GSTO2: variants seen among roughly 807,000 people sequenced by gnomAD.
GSTO2 encodes glutathione S-transferase omega 2.
Under a neutral mutation model 28.4 loss-of-function variants are expected in GSTO2, and 23 were observed. The observed-to-expected ratio is 0.81, with a 90% CI of 0.58 to 1.15. The LOEUF (loss-of-function observed/expected upper bound fraction) is 1.15, where lower values mean the gene tolerates loss of function less well. GSTO2 is among the 50% of genes most tolerant of loss of function. The probability of loss-of-function intolerance (pLI) is 0.00; values close to 1 mark genes in which losing one functional copy is unlikely to be tolerated. For missense variants in GSTO2, 298 were observed against 297.8 expected (o/e 1.00, Z 0.00); for synonymous variants, 109 against 111.0 (o/e 0.98, Z 0.11).
At position 104,278,048 on chromosome 10, in the gene GSTO2, A is replaced by G. The variant is rs2011752813; in HGVS notation, c.298A>G (p.Arg100Gly). 6.2e-7 allele frequency: 1 copy of G among 1,614,230 alleles called. No individual in the cohort carries two copies. The highest frequency in any genetic ancestry group is 1.6e-4 in the Middle Eastern group (1 of 6,062). ...CEYLDDAYPG[R>G]KLFPYDPYER... ...GTACCTGGATGATGCTTATCCAGGA[A>G]GGAAGCTGTTTCCATATGACCCTTA... is the stretch of plus-strand genomic sequence containing the variant. The change falls in exon 4 of 7, where the codon AGG becomes GGG. Residue 100 changes from arginine to glycine, a missense_variant. By Grantham distance (125) the Arg-to-Gly change is moderately radical. Transcript: ENST00000338595.
chr10:104,288,724 G>A (rs1436103969), intron 5 of GSTO2, among the ~76,000 whole-genome samples: 1 of 152,116 alleles, frequency 6.6e-6, no homozygotes, highest in African/African-American at 2.4e-5. Context: ...TGCCTATCTG[G>A]CCATCAGAGT....
At chr10:104,278,484 T>C (rs1019508774) in intron 4 of GSTO2, among the ~76,000 whole-genome samples, 2 of 152,242 alleles carry the variant, frequency 1.3e-5, no homozygotes, top group African/African-American at 2.4e-5. Flanking sequence ...TGATGCTTTT[T>C]TATTATTTTT....
intron 3 of GSTO2, among the ~76,000 whole-genome samples, chr10:104,277,294 C>CT (rs552621333): frequency 0.052 from 7,479 of 144,276 alleles, 469 homozygotes; most frequent in African/African-American, 0.15. Flanking sequence ...GGCTCTACTA[C>CT]TTTTTTTTTT....
intron 5 of GSTO2, chr10:104,296,186 T>C (rs983779915): frequency 3.9e-5 from 6 of 152,192 alleles, no homozygotes; most frequent in African/African-American, 1.4e-4. Context: ...TTCTTTACAG[T>C]CCATCTGATT....
In GSTO2 at chr10:104,304,030, C is replaced by G. The variant is rs952008940; in HGVS notation, c.*4746C>G. The stretch of plus-strand genomic sequence containing the variant: ...TTGATGGAGGGGAGACTGGGTTACT[C>G]TGAGTTGAGAAGCAAGCTTGACTGC... On this transcript the variant is annotated 3_prime_UTR_variant, in exon 7 of 7. Coordinates refer to ENST00000338595, the MANE Select transcript of GSTO2 (RefSeq NM_183239.2). The G allele has an allele frequency of 3.3e-5, 5 of 152,188 alleles. No homozygotes were observed. Among genetic ancestry groups the G allele is most frequent in the African/African-American group, 1.2e-4 (5 of 41,440 alleles). 9.4% of individuals were successfully genotyped at this position (152,188 alleles called of 1,614,324 possible).
chr10:104,282,946 T>G (rs2012166198), intron 5 of GSTO2, among the ~76,000 whole-genome samples: 1 of 152,180 alleles, frequency 6.6e-6, no homozygotes. Context: ...AGGAATGTCA[T>G]TAGTGGGGTG....
chr10:104,300,557 C>G lies in GSTO2; in HGVS notation c.*1273C>G, dbSNP rs941238814. 6.6e-6 allele frequency: 1 copy of G among 152,330 alleles called. No individual in the cohort carries two copies. Among genetic ancestry groups the G allele is most frequent in the Non-Finnish European group, 1.5e-5 (1 of 68,118 alleles). 9.4% of individuals were successfully genotyped at this position (152,330 alleles called of 1,614,324 possible). A position where few individuals can be genotyped will look rare whatever the true frequency, so the allele number is the denominator to read the frequency against. The stretch of plus-strand genomic sequence containing the variant: ...GCCAGCTTCGCCAGGCAGTACCACC[C>G]CACTGAAGACAGCAAAGAGCTGAGG... On this transcript the variant is annotated 3_prime_UTR_variant, in exon 7 of 7. Coordinates refer to ENST00000338595, the MANE Select transcript of GSTO2 (RefSeq NM_183239.2).
At chr10:104,275,089 T>A in intron 2 of GSTO2, 137 bp from the exon 3 acceptor site, 1 of 1,513,964 alleles carries the variant, frequency 6.6e-7, no homozygotes, top group Non-Finnish European at 8.8e-7. Flanking sequence ...AAAAGCCACA[T>A]GCAGCACTGC....
intron 5 of GSTO2, among the ~76,000 whole-genome samples, chr10:104,293,107 A>G (rs1396029636): frequency 1.3e-5 from 2 of 152,216 alleles, no homozygotes; most frequent in African/African-American, 2.4e-5. Flanking sequence ...CATAATGACT[A>G]TGTTGGAATG....
In GSTO2 at chr10:104,302,301, A is replaced by G. The variant is rs1038280572; in HGVS notation, c.*3017A>G. 2 of 152,254 alleles carry G rather than the reference A, an allele frequency of 1.3e-5. No individual in the cohort carries two copies. Among genetic ancestry groups the G allele is most frequent in the Non-Finnish European group, 2.9e-5 (2 of 68,048 alleles). The allele number at this position is 152,254 out of a possible 1,614,324, so 9.4% of individuals were successfully genotyped here. A position where few individuals can be genotyped will look rare whatever the true frequency, so the allele number is the denominator to read the frequency against. On this transcript the variant is annotated 3_prime_UTR_variant, in exon 7 of 7. Transcript: ENST00000338595. ...ATTTTAGGTGGAGCACAGCCAAACC[A>G]TATCAGAGCCATTCTCTATCTTTTG...
At chr10:104,286,772 C>T (rs2012455169) in intron 5 of GSTO2, among the ~76,000 whole-genome samples, 1 of 151,920 alleles carries the variant, frequency 6.6e-6, no homozygotes, top group Non-Finnish European at 1.5e-5. Context: ...TTCTGATATA[C>T]CCTTTCCCAT....
At position 104,299,426 on chromosome 10, in the gene GSTO2, G is replaced by A; in HGVS notation, c.*142G>A. 1.0e-6 allele frequency: 1 copy of A among 973,114 alleles called. No homozygotes were observed. Among genetic ancestry groups the A allele is most frequent in the Non-Finnish European group, 1.5e-6 (1 of 646,330 alleles). 60.3% of individuals were successfully genotyped at this position (973,114 alleles called of 1,614,324 possible). ...ATGAAAACAGGAAATGTATTCTTCT[G>A]ATAATCATTTGTCTGACTCCTCTAG... On this transcript the variant is annotated 3_prime_UTR_variant, in exon 7 of 7. Transcript: ENST00000338595.
At chr10:104,284,792 C>T (rs1444006597) in intron 5 of GSTO2, among the ~76,000 whole-genome samples, 1 of 152,146 alleles carries the variant, frequency 6.6e-6, no homozygotes, top group Non-Finnish European at 1.5e-5. Flanking sequence ...AAATCAAGTC[C>T]AAGTGCAGTG....
intron 1 of GSTO2, among the ~76,000 whole-genome samples, chr10:104,272,423 G>A (rs2011447535): frequency 6.6e-6 from 1 of 151,966 alleles, no homozygotes; most frequent in African/African-American, 2.4e-5. Flanking sequence ...TCAGTTCATG[G>A]CATCTGATAA....
rs768279768 is a variant in GSTO2, at chr10:104,272,587, C to CTTTTTTTTTTTTTTTTTTTTTTTTTTT, written c.-231-2080_-231-2054dup. Reference sequence around the variant, plus strand: ...GAATCAAAATAGAACAGTTATGGGACTTTTTTTTTTTTTTTTTTTTTTTTT... The same window carrying CTTTTTTTTTTTTTTTTTTTTTTTTTTT: ...GAATCAAAATAGAACAGTTATGGGACTTTTTTTTTTTTTTTTTTTTTTTTTTTTTTTTTTTTTTTTTTTTTTTTTTTT... On this transcript the variant is annotated intron_variant, in intron 1 of 6. Transcript: ENST00000338595. Among the ~76,000 whole-genome samples the CTTTTTTTTTTTTTTTTTTTTTTTTTTT allele has an allele frequency of 4.1e-5, 2 of 49,308 alleles. 1 individual carries two copies. The highest frequency in any genetic ancestry group is 7.6e-5 in the Non-Finnish European group (2 of 26,482). The allele number at this position is 49,308 out of a possible 152,430, so 32.3% of individuals were successfully genotyped here.
chr10:104,278,105 C>T lies in GSTO2; in HGVS notation c.355C>T (p.Leu119=). 6.2e-6 allele frequency: 10 copies of T among 1,612,838 alleles called. No individual in the cohort carries two copies. The highest frequency in any genetic ancestry group is 8.5e-6 in the Non-Finnish European group (10 of 1,178,976). ...ERARQKMLLE[L]FCKVPHLTKE... ...AGCTCGCCAAAAGATGTTATTGGAG[C>T]TATTTTGTAAGGTATATTCAATTTA... The change falls in exon 4 of 7, where the codon CTA becomes TTA. Residue 119 remains leucine, a synonymous_variant. Coordinates refer to ENST00000338595, the MANE Select transcript of GSTO2 (RefSeq NM_183239.2).
intron 2 of GSTO2, 40 bp downstream of exon 2, chr10:104,274,989 C>A (rs1451546231): frequency 5.8e-6 from 9 of 1,559,878 alleles, no homozygotes; most frequent in Non-Finnish European, 6.0e-6. Context: ...GGGGGCGCCG[C>A]GTGACAGAAA....
chr10:104,274,369 A>G (rs2011532861), intron 1 of GSTO2, among the ~76,000 whole-genome samples: 1 of 152,170 alleles, frequency 6.6e-6, no homozygotes, highest in Non-Finnish European at 1.5e-5. Context: ...GGGGTATGTG[A>G]GATTTCAACA....
At chr10:104,292,218 G>A (rs1483895982) in intron 5 of GSTO2, among the ~76,000 whole-genome samples, 4 of 106,898 alleles carry the variant, frequency 3.7e-5, no homozygotes, top group African/African-American at 1.1e-4. Flanking sequence ...TTTTTTTTTT[G>A]TCTTTTGAGA....
Sources: gnomAD v4.1 joint callset for allele counts (sites outside exome capture counted in the v4.1 genomes callset) on GRCh38, gnomAD v4.1.1 for gene constraint, MANE v1.5 for transcripts, NCBI Gene and HGNC (gene_info 2026-07-23, HGNC 2026-07-21) for gene names.